RAB31: variants seen among roughly 807,000 people sequenced by gnomAD.
The protein encoded by RAB31 is RAB31, member RAS oncogene family.
In RAB31, 21 loss-of-function variants were observed where a neutral mutation model predicts 25.6. The ratio of observed to expected loss-of-function variants is 0.82; its 90% CI spans 0.58 to 1.18. The LOEUF (loss-of-function observed/expected upper bound fraction) is 1.18, where lower values mean the gene tolerates loss of function less well. RAB31 is among the 50% of genes most tolerant of loss of function. The probability of loss-of-function intolerance (pLI) is 0.00; values close to 1 mark genes in which losing one functional copy is unlikely to be tolerated. For missense variants in RAB31, 196 were observed against 250.1 expected, an observed-to-expected ratio of 0.78 and a Z score of 1.46; for synonymous variants, 87 against 84.0, an observed-to-expected ratio of 1.04 and a Z score of -0.20.
intron 5 of RAB31, among the ~76,000 whole-genome samples, chr18:9,838,033 C>G (rs117495982): frequency 6.6e-6 from 1 of 152,168 alleles, no homozygotes; most frequent in African/African-American, 2.4e-5. Flanking sequence ...CTCACTGAGA[C>G]GGCTTTGCAA....
At chr18:9,723,066 G>C (rs148248369) in intron 1 of RAB31, among the ~76,000 whole-genome samples, 3 of 149,842 alleles carry the variant, frequency 2.0e-5, no homozygotes, top group Admixed American at 2.0e-4. Flanking sequence ...TTTTTTTTTT[G>C]AGACCAAGTC....
chr18:9,845,721 A>G (rs1170666183), intron 6 of RAB31, 30 bp downstream of exon 6: 4 of 1,521,318 alleles, frequency 2.6e-6, no homozygotes, highest in Non-Finnish European at 8.8e-7. Context: ...TTTTCAGCCC[A>G]ACTTGCATTT....
At chr18:9,729,152 G>T (rs2145463703) in intron 1 of RAB31, among the ~76,000 whole-genome samples, 1 of 152,192 alleles carries the variant, frequency 6.6e-6, no homozygotes, top group South Asian at 2.1e-4. Flanking sequence ...CCGATATTTA[G>T]AAATCTTCAT....
At chr18:9,813,975 A>C (rs1235709233) in intron 3 of RAB31, 45 bp from the exon 4 acceptor site, 1 of 1,336,388 alleles carries the variant, frequency 7.5e-7, no homozygotes, top group Non-Finnish European at 1.1e-6. Flanking sequence ...GGATTGAATA[A>C]AGTCTGTTCA....
intron 1 of RAB31, among the ~76,000 whole-genome samples, chr18:9,712,494 T>C (rs1021095941): frequency 3.3e-5 from 5 of 152,236 alleles, no homozygotes; most frequent in Admixed American, 6.5e-5. Context: ...ACTGGTATTA[T>C]GAAACATGAA....
At chr18:9,784,917 G>A (rs7233332) in intron 2 of RAB31, among the ~76,000 whole-genome samples, 44,235 of 152,018 alleles carry the variant, frequency 0.29, 7,678 homozygotes, top group Middle Eastern at 0.47. Context: ...ATAAAGTTGA[G>A]GAAAAGCAAA....
At chr18:9,733,089 C>A (rs961436914) in intron 1 of RAB31, among the ~76,000 whole-genome samples, 3 of 152,200 alleles carry the variant, frequency 2.0e-5, no homozygotes, top group African/African-American at 7.2e-5. Flanking sequence ...ACAGTTTCCA[C>A]TGCGCACAGC....
chr18:9,811,516 T>G (rs941991063), intron 3 of RAB31, among the ~76,000 whole-genome samples: 59 of 152,216 alleles, frequency 3.9e-4, no homozygotes, highest in African/African-American at 1.4e-3. Context: ...CAGGATCCAC[T>G]TCTCCTTCCT....
chr18:9,710,003 G>A (rs998418614), intron 1 of RAB31, among the ~76,000 whole-genome samples: 1 of 152,180 alleles, frequency 6.6e-6, no homozygotes, highest in African/African-American at 2.4e-5. Flanking sequence ...GGTGAAATAG[G>A]ACATATTTTT....
intron 1 of RAB31, among the ~76,000 whole-genome samples, chr18:9,720,345 C>T (rs2068067816): frequency 6.6e-6 from 1 of 152,184 alleles, no homozygotes; most frequent in Non-Finnish European, 1.5e-5. Flanking sequence ...CTAACAATGT[C>T]CTTGGCCTGC....
intron 1 of RAB31, among the ~76,000 whole-genome samples, chr18:9,745,547 C>G (rs930234804): frequency 6.6e-6 from 1 of 152,090 alleles, no homozygotes; most frequent in Non-Finnish European, 1.5e-5. Flanking sequence ...GAAATACTGG[C>G]AAACTGAACC....
At chr18:9,836,834 G>A (rs12958556) in intron 5 of RAB31, among the ~76,000 whole-genome samples, 1 of 103,802 alleles carries the variant, frequency 9.6e-6, no homozygotes, top group Admixed American at 9.3e-5. Context: ...TGTGAGGAAC[G>A]GGGGGAAACA....
intron 3 of RAB31, among the ~76,000 whole-genome samples, chr18:9,798,149 C>T (rs995524513): frequency 1.3e-5 from 2 of 152,148 alleles, no homozygotes; most frequent in East Asian, 3.8e-4. Flanking sequence ...TCGAGGAAGA[C>T]GGATTTAGTT....
chr18:9,791,369 C>A (rs1175066531), intron 2 of RAB31, among the ~76,000 whole-genome samples: 5 of 141,630 alleles, frequency 3.5e-5, no homozygotes, highest in Non-Finnish European at 7.6e-5. Context: ...TTGAAGCTAA[C>A]TGGTTTTAGA....
chr18:9,821,237 G>C (rs971863847), intron 5 of RAB31, among the ~76,000 whole-genome samples: 22 of 151,962 alleles, frequency 1.4e-4, no homozygotes, highest in African/African-American at 5.1e-4. Context: ...CATTTATTGA[G>C]GCTTGTTTTA....
At chr18:9,842,546 G>A (rs537179030) in intron 5 of RAB31, among the ~76,000 whole-genome samples, 1 of 152,308 alleles carries the variant, frequency 6.6e-6, no homozygotes, top group African/African-American at 2.4e-5. Flanking sequence ...AGAGTGATTG[G>A]TCGTTCTAAT....
chr18:9,843,881 A>T (rs1169875720), intron 5 of RAB31, among the ~76,000 whole-genome samples: 1 of 152,046 alleles, frequency 6.6e-6, no homozygotes, highest in Admixed American at 6.5e-5. Context: ...TCTTCCCCGC[A>T]TATGGTTTGA....
At chr18:9,757,983 A>G (rs2068268350) in intron 1 of RAB31, 4 of 152,262 alleles carry the variant, frequency 2.6e-5, no homozygotes, top group Admixed American at 6.5e-5. Context: ...CCTTGATGTT[A>G]TCGTACTTAC....
chr18:9,742,804 C>T (rs1250422566), intron 1 of RAB31, among the ~76,000 whole-genome samples: 1 of 152,156 alleles, frequency 6.6e-6, no homozygotes, highest in Non-Finnish European at 1.5e-5. Flanking sequence ...GTGCTTTTTC[C>T]CCAGCGAAAT....
Sources: allele counts gnomAD v4.1 joint callset (sites outside exome capture counted in the v4.1 genomes callset), GRCh38; gene constraint gnomAD v4.1.1; transcripts MANE v1.5; gene names NCBI Gene and HGNC (gene_info 2026-07-23, HGNC 2026-07-21).